SAMMSON: variants seen among roughly 807,000 people sequenced by gnomAD.
SAMMSON encodes survival associated mitochondrial melanoma specific oncogenic non-coding RNA.
At chr3:70,362,359 A>G (rs921791436) in intron 9 of SAMMSON, among the ~76,000 whole-genome samples, 2 of 152,174 alleles carry the variant, frequency 1.3e-5, no homozygotes, top group Non-Finnish European at 2.9e-5. Context: ...AACTAGAAGT[A>G]GTAGATAATT....
intron 3 of SAMMSON, among the ~76,000 whole-genome samples, chr3:70,037,932 C>T (rs1455067226): frequency 3.9e-5 from 6 of 152,094 alleles, no homozygotes; most frequent in Non-Finnish European, 5.9e-5. Context: ...CTAAGGTGTT[C>T]GATTATATTA....
intron 4 of SAMMSON, among the ~76,000 whole-genome samples, chr3:70,145,376 C>T (rs932657132): frequency 6.6e-6 from 1 of 152,086 alleles, no homozygotes; most frequent in African/African-American, 2.4e-5. Context: ...TTTTTAAAAC[C>T]TTCCATCAAA....
chr3:70,314,993 A>G (rs1175614660), intron 7 of SAMMSON, among the ~76,000 whole-genome samples: 1 of 150,738 alleles, frequency 6.6e-6, no homozygotes, highest in Non-Finnish European at 1.5e-5. Flanking sequence ...TTTGGAGAGT[A>G]TGGATTCTTT....
chr3:70,355,270 T>C (rs1702821013), intron 8 of SAMMSON, among the ~76,000 whole-genome samples: 1 of 152,040 alleles, frequency 6.6e-6, no homozygotes, highest in African/African-American at 2.4e-5. Flanking sequence ...CATCACACAT[T>C]CTTACATACA....
intron 4 of SAMMSON, among the ~76,000 whole-genome samples, chr3:70,202,052 T>C (rs1373692673): frequency 6.6e-6 from 1 of 152,212 alleles, no homozygotes; most frequent in Non-Finnish European, 1.5e-5. Flanking sequence ...TGTGGTCTAA[T>C]AGTAGTTAGT....
chr3:70,318,838 A>C (rs905463724), intron 7 of SAMMSON, among the ~76,000 whole-genome samples: 4 of 151,962 alleles, frequency 2.6e-5, no homozygotes, highest in Non-Finnish European at 1.5e-5. Context: ...ATTTTTTCTG[A>C]TAATGGGTCA....
intron 4 of SAMMSON, among the ~76,000 whole-genome samples, chr3:70,214,728 T>A (rs1308734680): frequency 6.6e-6 from 1 of 152,010 alleles, no homozygotes; most frequent in Non-Finnish European, 1.5e-5. Context: ...GATCATAAGC[T>A]GGTAACGAGG....
rs148835768 is a variant in SAMMSON at position 70,404,304 on chromosome 3, C to T, written n.233+45980C>T. On this transcript the variant is annotated intron_variant and non_coding_transcript_variant, in intron 2 of 3. Transcript: ENST00000641053. ...CAATTATGAAAAAACTCATTATCCA[C>T]GATTTGGAGACCAAGGAATGTTGTG... 1.9e-4 allele frequency among the ~76,000 whole-genome samples: 29 copies of T among 152,146 alleles called. 1 individual carries two copies. The highest frequency in any genetic ancestry group is 5.1e-4 in the African/African-American group (21 of 41,516).
intron 2 of SAMMSON, among the ~76,000 whole-genome samples, chr3:70,419,504 A>C (rs113507332): frequency 6.6e-6 from 1 of 152,148 alleles, no homozygotes; most frequent in Non-Finnish European, 1.5e-5. Context: ...CTGTGATTAG[A>C]TATTTCTATA....
At chr3:70,099,873 A>G (rs1379124008) in intron 4 of SAMMSON, among the ~76,000 whole-genome samples, 2 of 152,078 alleles carry the variant, frequency 1.3e-5, no homozygotes, top group Non-Finnish European at 2.9e-5. Flanking sequence ...CTCTCTGTGT[A>G]CTTGCATGTT....
rs1157909999 is a variant in SAMMSON at position 70,068,136 on chromosome 3, GA to G, written n.418-3338del. The G allele has an allele frequency of 2.0e-5, 3 of 152,018 alleles. No individual in the cohort carries two copies. The East Asian group carries it at 5.8e-4, about 30-fold the overall frequency. 9.4% of individuals were successfully genotyped at this position (152,018 alleles called of 1,614,324 possible). A position where few individuals can be genotyped will look rare whatever the true frequency, so the allele number is the denominator to read the frequency against. On this transcript the variant is annotated intron_variant and non_coding_transcript_variant, in intron 3 of 9. Coordinates refer to ENST00000642114, the Ensembl canonical transcript of SAMMSON. ...GATAGACTCTAACTGGCCAAACTAAGAATAACTCTTTTGATTCCCAATAGTC... is the reference window on the plus strand; with the variant it reads ...GATAGACTCTAACTGGCCAAACTAAGATAACTCTTTTGATTCCCAATAGTC...
At chr3:70,205,209 A>G (rs2106723234) in intron 4 of SAMMSON, 1 of 152,232 alleles carries the variant, frequency 6.6e-6, no homozygotes. Flanking sequence ...AAACTTCAAT[A>G]TCTGGCAACT....
intron 3 of SAMMSON, among the ~76,000 whole-genome samples, chr3:70,041,339 C>T (rs1262738382): frequency 2.0e-5 from 3 of 152,138 alleles, no homozygotes; most frequent in South Asian, 2.1e-4. Flanking sequence ...CTTTGTCTAA[C>T]GTATTTAGGG....
intron 7 of SAMMSON, among the ~76,000 whole-genome samples, chr3:70,347,978 G>A (rs1702764989): frequency 3.9e-5 from 6 of 152,172 alleles, no homozygotes; most frequent in Admixed American, 3.9e-4. Context: ...AGGAGGCGGA[G>A]GTTACAGTGA....
chr3:70,309,821 A>G (rs1233063149), intron 7 of SAMMSON, among the ~76,000 whole-genome samples: 1 of 152,188 alleles, frequency 6.6e-6, no homozygotes. Flanking sequence ...GAAGTGTCCA[A>G]ATGAGATAAA....
At chr3:70,013,953 TC>T (rs2107578052) in intron 3 of SAMMSON, 1 of 152,280 alleles carries the variant, frequency 6.6e-6, no homozygotes, top group South Asian at 2.1e-4. Flanking sequence ...AACCAGAAGC[TC>T]AGGAAATTGT....
intron 4 of SAMMSON, among the ~76,000 whole-genome samples, chr3:70,199,154 G>A (rs1028055968): frequency 1.3e-5 from 2 of 152,134 alleles, no homozygotes; most frequent in Non-Finnish European, 2.9e-5. Context: ...ATACATGCAA[G>A]GTTAAAAGTT....
intron 2 of SAMMSON, among the ~76,000 whole-genome samples, chr3:70,394,895 G>C (rs1314824052): frequency 6.6e-6 from 1 of 152,132 alleles, no homozygotes; most frequent in Non-Finnish European, 1.5e-5. Flanking sequence ...GCAACAGCCA[G>C]TCTGTACTTA....
At chr3:70,355,803 C>T (rs1702825677) in intron 8 of SAMMSON, among the ~76,000 whole-genome samples, 1 of 152,150 alleles carries the variant, frequency 6.6e-6, no homozygotes, top group Non-Finnish European at 1.5e-5. Context: ...GTAAACGGCA[C>T]ACTCAGGCAC....
Sources: allele counts gnomAD v4.1 joint callset (sites outside exome capture counted in the v4.1 genomes callset), GRCh38; gene constraint gnomAD v4.1.1; transcripts MANE v1.5; gene names NCBI Gene and HGNC (gene_info 2026-07-23, HGNC 2026-07-21).